Variants in TMEM232 observed in about 807,000 individuals in gnomAD.
TMEM232 encodes transmembrane protein 232.
In TMEM232, 80 loss-of-function variants were observed where a neutral mutation model predicts 78.8. The observed-to-expected ratio is 1.01, with a 90% CI of 0.85 to 1.22. The LOEUF is 1.22. TMEM232 is among the 50% of genes most tolerant of loss of function. TMEM232 has a pLI of 0.00. For missense variants in TMEM232, 881 were observed against 742.2 expected (o/e 1.19, Z -2.17); for synonymous variants, 297 against 254.3 (o/e 1.17, Z -1.60).
intron 1 of TMEM232, among the ~76,000 whole-genome samples, chr5:110,672,450 G>C (rs376052868): frequency 2.0e-5 from 3 of 152,162 alleles, no homozygotes; most frequent in African/African-American, 7.2e-5. Context: ...ACCATTATTT[G>C]AGTAGAGTTG....
intron 12 of TMEM232, among the ~76,000 whole-genome samples, chr5:110,467,665 T>C (rs531812620): frequency 2.3e-4 from 35 of 152,324 alleles, no homozygotes; most frequent in African/African-American, 7.7e-4. Flanking sequence ...AAGTGAAAGA[T>C]AAAAATATTC....
chr5:110,735,771 T>C (rs1371617532), intron 1 of TMEM232, among the ~76,000 whole-genome samples: 1 of 152,218 alleles, frequency 6.6e-6, no homozygotes, highest in African/African-American at 2.4e-5. Flanking sequence ...CAAGATGTTC[T>C]ATGAACTTCA....
At chr5:110,564,636 C>T (rs879341397) in intron 11 of TMEM232, among the ~76,000 whole-genome samples, 3 of 151,824 alleles carry the variant, frequency 2.0e-5, no homozygotes, top group Non-Finnish European at 4.4e-5. Flanking sequence ...TAGGCGTGAA[C>T]CCATGCTAAC....
intron 11 of TMEM232, among the ~76,000 whole-genome samples, chr5:110,547,603 G>A (rs1163761228): frequency 6.6e-6 from 1 of 152,010 alleles, no homozygotes; most frequent in Admixed American, 6.5e-5. Flanking sequence ...TACTGGCGAG[G>A]AGTAAAATAA....
chr5:110,597,644 T>G (rs1780337472), intron 10 of TMEM232, among the ~76,000 whole-genome samples: 2 of 151,712 alleles, frequency 1.3e-5, no homozygotes, highest in African/African-American at 2.4e-5. Context: ...CAAAACAGCA[T>G]GGTACTGGTA....
intron 10 of TMEM232, among the ~76,000 whole-genome samples, chr5:110,572,746 A>G (rs567564893): frequency 6.6e-6 from 1 of 152,210 alleles, no homozygotes; most frequent in East Asian, 1.9e-4. Flanking sequence ...ACTCAATTGA[A>G]GTGCTGCTGA....
intron 10 of TMEM232, among the ~76,000 whole-genome samples, chr5:110,571,991 T>C (rs375419787): frequency 1.4e-4 from 22 of 152,006 alleles, no homozygotes; most frequent in African/African-American, 4.8e-4. Flanking sequence ...TTTACTGCAA[T>C]GGGCAGCAGG....
At chr5:110,551,834 A>T (rs970935337) in intron 11 of TMEM232, among the ~76,000 whole-genome samples, 2 of 152,170 alleles carry the variant, frequency 1.3e-5, no homozygotes, top group African/African-American at 2.4e-5. Flanking sequence ...AAGCCAAATA[A>T]ATGACTTTAC....
chr5:110,485,049 G>C (rs963009191), intron 12 of TMEM232, among the ~76,000 whole-genome samples: 2 of 152,094 alleles, frequency 1.3e-5, no homozygotes, highest in Non-Finnish European at 2.9e-5. Context: ...ATGTAAACAA[G>C]TATAGCCACT....
chr5:110,401,078 G>A (rs1240418479), intron 2 of TMEM232, among the ~76,000 whole-genome samples: 1 of 151,970 alleles, frequency 6.6e-6, no homozygotes, highest in African/African-American at 2.4e-5. Flanking sequence ...TTTTGTTGCT[G>A]TTGGGTGTAA....
intron 4 of TMEM232, among the ~76,000 whole-genome samples, chr5:110,638,865 T>G (rs1269865895): frequency 6.6e-6 from 1 of 151,834 alleles, no homozygotes; most frequent in Non-Finnish European, 1.5e-5. Flanking sequence ...CAGAACCAGA[T>G]GATAAAAGGC....
intron 1 of TMEM232, among the ~76,000 whole-genome samples, chr5:110,710,865 T>G (rs1482270920): frequency 6.6e-6 from 1 of 152,156 alleles, no homozygotes; most frequent in Non-Finnish European, 1.5e-5. Context: ...ATGACAAGGA[T>G]GCCCACTTTC....
In TMEM232 at chr5:110,434,138, A is replaced by AC. The variant is rs572539242; in HGVS notation, c.1704-9223dup. ...CAGAGCAGAACTAAATGAAATTGAG[A>AC]CCCCCCCAAAACATGCAAAGAATAA... On this transcript the variant is annotated intron_variant, in intron 12 of 13. Transcript: ENST00000455884. Among the ~76,000 whole-genome samples, 150 of 150,662 alleles carry AC rather than the reference A, an allele frequency of 1.0e-3. 1 individual carries two copies. The highest frequency in any genetic ancestry group is 3.4e-3 in the Middle Eastern group (1 of 290).
chr5:110,607,631 G>T (rs983910496), intron 8 of TMEM232, among the ~76,000 whole-genome samples: 8 of 151,924 alleles, frequency 5.3e-5, no homozygotes, highest in African/African-American at 1.9e-4. Context: ...TTATATTTCA[G>T]TAAGTTTGAT....
At chr5:110,598,869 G>C (rs1427434601) in intron 10 of TMEM232, among the ~76,000 whole-genome samples, 1 of 110,340 alleles carries the variant, frequency 9.1e-6, no homozygotes, top group Non-Finnish European at 1.8e-5. Context: ...TGTGGGGTGG[G>C]GGGAGGGGGG....
intron 12 of TMEM232, among the ~76,000 whole-genome samples, chr5:110,520,393 G>GA (rs1181579708): frequency 6.6e-6 from 1 of 151,248 alleles, no homozygotes; most frequent in East Asian, 1.9e-4. Context: ...TTAGAACACA[G>GA]AAAAAAAAGA....
chr5:110,582,943 A>C (rs1419666947), intron 10 of TMEM232, among the ~76,000 whole-genome samples: 1 of 152,026 alleles, frequency 6.6e-6, no homozygotes, highest in Non-Finnish European at 1.5e-5. Context: ...CTTAGGAATA[A>C]ATTTAAGCAA....
At chr5:110,417,472 T>C (rs1044879513), downstream of TMEM232, among the ~76,000 whole-genome samples, 2 of 152,190 alleles carry the variant, frequency 1.3e-5, no homozygotes, top group African/African-American at 4.8e-5. Context: ...ATACTAAACA[T>C]AAATTACAAA....
intron 5 of TMEM232, among the ~76,000 whole-genome samples, chr5:110,637,515 A>G (rs1786014847): frequency 6.6e-6 from 1 of 151,956 alleles, no homozygotes; most frequent in Non-Finnish European, 1.5e-5. Flanking sequence ...TTAATTTAAA[A>G]AACCATTTCT....
Sources: gnomAD v4.1 joint callset for allele counts (sites outside exome capture counted in the v4.1 genomes callset) on GRCh38, gnomAD v4.1.1 for gene constraint, MANE v1.5 for transcripts, NCBI Gene and HGNC (gene_info 2026-07-23, HGNC 2026-07-21) for gene names.